GLI2: variants seen among roughly 807,000 people sequenced by gnomAD.
The protein encoded by GLI2 is transcription activator GLI2.
In GLI2, 22 loss-of-function variants were observed where a neutral mutation model predicts 78.9. The observed-to-expected ratio is 0.28, with a 90% CI of 0.20 to 0.40. The LOEUF (loss-of-function observed/expected upper bound fraction) is 0.40. Among genes scored for constraint, GLI2 ranks in the 10% least tolerant of loss-of-function variants. The pLI, the probability that GLI2 is intolerant of heterozygous loss-of-function variation, is 1.00. For synonymous variants in GLI2, 974 were observed against 963.7 expected (o/e 1.01, Z -0.20); for missense variants, 2,097 against 2,213.2 (o/e 0.95, Z 1.05).
rs1379311770 is a variant in GLI2 at position 120,854,828 on chromosome 2, C to T, written c.148+57360C>T. On this transcript the variant is annotated intron_variant, in intron 2 of 13. Coordinates refer to ENST00000361492, the MANE Select transcript of GLI2 (RefSeq NM_001374353.1). ...CTGAGTTTCTGACTCAGTAGGCCTG[C>T]GATGGGGCTTGAAAGTTTGCATTTG... Among the ~76,000 whole-genome samples the T allele has an allele frequency of 5.3e-5, 8 of 152,214 alleles. No individual in the cohort carries two copies. In the South Asian group the frequency reaches 1.4e-3, roughly 28 times the overall value.
At chr2:120,886,493 C>T (rs942327320) in intron 2 of GLI2, among the ~76,000 whole-genome samples, 1 of 152,114 alleles carries the variant, frequency 6.6e-6, no homozygotes, top group Non-Finnish European at 1.5e-5. Flanking sequence ...TCTCGAACTC[C>T]TGGACTCAAG....
chr2:120,809,222 A>G (rs1381577970), intron 2 of GLI2, among the ~76,000 whole-genome samples: 1 of 152,246 alleles, frequency 6.6e-6, no homozygotes, highest in Admixed American at 6.5e-5. Context: ...GTATACACAA[A>G]TGAACCTCGC....
intron 3 of GLI2, among the ~76,000 whole-genome samples, chr2:120,933,583 A>G (rs746415728): frequency 6.6e-6 from 1 of 152,186 alleles, no homozygotes; most frequent in African/African-American, 2.4e-5. Context: ...AGCTCTTTGG[A>G]TGCCCTCTGG....
At chr2:120,819,036 G>A (rs902108413) in intron 2 of GLI2, among the ~76,000 whole-genome samples, 1 of 152,120 alleles carries the variant, frequency 6.6e-6, no homozygotes, top group Non-Finnish European at 1.5e-5. Context: ...GGGCCTAGGG[G>A]GCTTTTATCA....
intron 3 of GLI2, among the ~76,000 whole-genome samples, chr2:120,943,793 G>A (rs1466324570): frequency 6.6e-6 from 1 of 152,222 alleles, no homozygotes; most frequent in Admixed American, 6.5e-5. Flanking sequence ...CCGCCCTGAT[G>A]GCTGGTGCTG....
At chr2:120,838,048 G>A (rs932246903) in intron 2 of GLI2, among the ~76,000 whole-genome samples, 8 of 152,106 alleles carry the variant, frequency 5.3e-5, no homozygotes, top group African/African-American at 1.9e-4. Context: ...TTATAATTGA[G>A]TTATTTGTGA....
chr2:120,906,080 G>A (rs1020605919), intron 2 of GLI2, among the ~76,000 whole-genome samples: 15 of 152,356 alleles, frequency 9.8e-5, no homozygotes, highest in Non-Finnish European at 1.3e-4. Context: ...CCAGCCTCCT[G>A]CCAGCAGCCA....
At chr2:120,953,983 C>T (rs372622361) in intron 4 of GLI2, among the ~76,000 whole-genome samples, 2 of 152,126 alleles carry the variant, frequency 1.3e-5, no homozygotes, top group South Asian at 2.1e-4. Context: ...GGAACACCCA[C>T]GTACCCGCTT....
Position 120,974,960 on chromosome 2 carries a change from C to T in GLI2, c.1183-15C>T. On this transcript the variant is annotated splice_polypyrimidine_tract_variant and intron_variant, in intron 8 of 13. Transcript: ENST00000361492. ...TGGACACGGCTCATGTGGGTGTGCC[C>T]TTCCCCTCTCCCAGGAGCAGCTGGC... 2 of 1,614,240 alleles carry T rather than the reference C, an allele frequency of 1.2e-6. No individual in the cohort carries two copies. Among genetic ancestry groups the T allele is most frequent in the African/African-American group, 2.7e-5 (2 of 75,080 alleles).
intron 1 of GLI2, among the ~76,000 whole-genome samples, chr2:120,783,325 G>A (rs1683901090): frequency 6.6e-6 from 1 of 152,032 alleles, no homozygotes; most frequent in African/African-American, 2.4e-5. Context: ...ATCTTTCCAG[G>A]GACAGTCCTG....
chr2:120,826,400 C>T (rs1686061501), intron 2 of GLI2, among the ~76,000 whole-genome samples: 1 of 152,188 alleles, frequency 6.6e-6, no homozygotes, highest in Admixed American at 6.5e-5. Context: ...ACACAGTTTT[C>T]ATGCACAGGC....
intron 5 of GLI2, among the ~76,000 whole-genome samples, chr2:120,966,199 G>A (rs1681846655): frequency 6.6e-6 from 1 of 152,050 alleles, no homozygotes; most frequent in African/African-American, 2.4e-5. Flanking sequence ...TAGCCACTCT[G>A]GAGAGCCCAG....
At chr2:120,946,767 G>A (rs1473317612) in intron 3 of GLI2, among the ~76,000 whole-genome samples, 2 of 152,214 alleles carry the variant, frequency 1.3e-5, no homozygotes, top group Non-Finnish European at 2.9e-5. Context: ...GGCCTGGGAT[G>A]GGGGCAAGTG....
chr2:120,751,747 T>G (rs1682880027), intron 1 of GLI2, among the ~76,000 whole-genome samples: 1 of 152,228 alleles, frequency 6.6e-6, no homozygotes, highest in Non-Finnish European at 1.5e-5. Flanking sequence ...CATGGGATCA[T>G]AGCACACATA....
chr2:120,905,935 C>T (rs968306838), intron 2 of GLI2, among the ~76,000 whole-genome samples: 1 of 151,634 alleles, frequency 6.6e-6, no homozygotes, highest in Non-Finnish European at 1.5e-5. Flanking sequence ...CTTATCCCGT[C>T]CCCTGCCCGT....
chr2:120,849,864 A>G (rs1193964245), intron 2 of GLI2, among the ~76,000 whole-genome samples: 1 of 152,246 alleles, frequency 6.6e-6, no homozygotes, highest in Non-Finnish European at 1.5e-5. Flanking sequence ...GGCCCAAGAA[A>G]GCATTGCATC....
In GLI2 at chr2:120,968,575, A is replaced by C. The variant is rs13396540; in HGVS notation, c.644-139A>C. On this transcript the variant is annotated intron_variant, in intron 5 of 13. Transcript: ENST00000361492. ...GCCGAGAGGTGACATCCTTCGCCCA[A>C]GAGCCCACAGCTGGAAAGTCGGCAA... The C allele has an allele frequency of 0.034, 24,994 of 726,820 alleles. 533 individuals are homozygous for C. Among genetic ancestry groups the C allele is most frequent in the African/African-American group, 0.046 (2,678 of 58,090 alleles). 45.0% of individuals were successfully genotyped at this position (726,820 alleles called of 1,614,324 possible).
intron 1 of GLI2, among the ~76,000 whole-genome samples, chr2:120,748,943 CCCAT>C (rs1296498603): frequency 2.0e-5 from 3 of 151,736 alleles, no homozygotes; most frequent in Admixed American, 6.6e-5. Context: ...CATCCATCTA[CCCAT>C]CCATCCATCC....
rs1478006958 is a variant in GLI2 at position 120,989,191 on chromosome 2, T to C, written c.3226T>C (p.Phe1076Leu). The C allele has an allele frequency of 1.9e-6, 3 of 1,613,200 alleles. No homozygotes were observed. Among genetic ancestry groups the C allele is most frequent in the Non-Finnish European group, 2.5e-6 (3 of 1,180,002 alleles). The part of the protein sequence containing the change: ...GQVYPTESTG[F>L]SDNPRLPSPG... ...GGTGTATCCCACGGAAAGCACTGGC[T>C]TCTCTGACAACCCCAGACTACCCAG... Residue 1076 changes from phenylalanine (F) to leucine (L), a missense_variant, in exon 14 of 14, where the codon TTC becomes CTC. Phe to Leu is a conservative substitution (Grantham distance 22, BLOSUM62 0). Transcript: ENST00000361492.
Sources: gnomAD v4.1 joint callset for allele counts (sites outside exome capture counted in the v4.1 genomes callset) on GRCh38, gnomAD v4.1.1 for gene constraint, MANE v1.5 for transcripts, NCBI Gene and HGNC (gene_info 2026-07-23, HGNC 2026-07-21) for gene names.